Variants in NBL1 observed in about 807,000 individuals in gnomAD.
NBL1 encodes the protein NBL1, DAN family BMP antagonist.
In NBL1, 9 loss-of-function variants were observed where a neutral mutation model predicts 16.0. The ratio of observed to expected loss-of-function variants is 0.56; its 90% CI spans 0.34 to 0.98. The LOEUF (loss-of-function observed/expected upper bound fraction) is 0.98, where lower values mean the gene tolerates loss of function less well. NBL1 is among the 50% of genes least tolerant of loss of function. The pLI is 0.02. For synonymous variants in NBL1, 86 were observed against 100.7 expected (o/e 0.85, Z 0.87); for missense variants, 196 against 243.1 (o/e 0.81, Z 1.29).
chr1:19,644,390 G>A lies in NBL1; in HGVS notation c.-76G>A. 1.0e-6 allele frequency: 1 copy of A among 978,632 alleles called. No homozygotes were observed. Among genetic ancestry groups the A allele is most frequent in the Non-Finnish European group, 1.2e-6 (1 of 827,150 alleles). The allele number at this position is 978,632 out of a possible 1,614,324, so 60.6% of individuals were successfully genotyped here. On this transcript the variant is annotated 5_prime_UTR_variant, in exon 1 of 4. Transcript: ENST00000375136. This position sits in a 1 kb window ranked among gnomAD's most constrained non-coding sequence, Gnocchi z 4.6. ...GCCGGCCGCCTCGCCGAGCCTCCTG[G>A]GGCGCCCGGGCCCGCGACCCCCGCA...
At chr1:19,648,316 C>T (rs1006919959) in intron 1 of NBL1, among the ~76,000 whole-genome samples, 2 of 152,132 alleles carry the variant, frequency 1.3e-5, no homozygotes, top group Non-Finnish European at 2.9e-5. Flanking sequence ...CGTTGTTAAT[C>T]GAAGCCCCTT....
chr1:19,657,289 G>A lies in NBL1; in HGVS notation c.*160G>A. 1 of 537,126 alleles carries A rather than the reference G, an allele frequency of 1.9e-6. No homozygotes were observed. The highest frequency in any genetic ancestry group is 3.3e-6 in the Non-Finnish European group (1 of 300,172). 33.3% of individuals were successfully genotyped at this position (537,126 alleles called of 1,614,324 possible). On this transcript the variant is annotated 3_prime_UTR_variant, in exon 4 of 4. Coordinates refer to ENST00000375136, the MANE Select transcript of NBL1 (RefSeq NM_005380.8). Reference sequence around the variant, plus strand: ...GCCCGGTTGCCATGGAGATCTGAAGGGGCGGGGTTAGAGCCAAGCTGCACA... The same window carrying A: ...GCCCGGTTGCCATGGAGATCTGAAGAGGCGGGGTTAGAGCCAAGCTGCACA...
chr1:19,657,921 T>G lies in NBL1; in HGVS notation c.*792T>G, dbSNP rs1430573857. On this transcript the variant is annotated 3_prime_UTR_variant, in exon 4 of 4. Transcript: ENST00000375136. Reference sequence around the variant, plus strand: ...CCCCCTCCTCTCCCTGTTAGAAATGTTAGTGCCCCGCACTGTGCCCCAAGT... The same window carrying G: ...CCCCCTCCTCTCCCTGTTAGAAATGGTAGTGCCCCGCACTGTGCCCCAAGT... 1 of 152,702 alleles carries G rather than the reference T, an allele frequency of 6.5e-6. No homozygotes were observed. Among genetic ancestry groups the G allele is most frequent in the East Asian group, 1.9e-4 (1 of 5,196 alleles). 9.5% of individuals were successfully genotyped at this position (152,702 alleles called of 1,614,324 possible).
chr1:19,655,637 C>T (rs763087318), intron 3 of NBL1, among the ~76,000 whole-genome samples: 2 of 152,206 alleles, frequency 1.3e-5, no homozygotes, highest in Non-Finnish European at 2.9e-5. Flanking sequence ...CCAACTTGTA[C>T]AGGACAGGGA....
chr1:19,652,804 C>T (rs1570562485), intron 1 of NBL1, among the ~76,000 whole-genome samples: 1 of 151,216 alleles, frequency 6.6e-6, no homozygotes, highest in East Asian at 2.0e-4. Context: ...CCTGGCCAAC[C>T]TGGTGAAACC....
chr1:19,654,147 C>T (rs896822212), intron 1 of NBL1, among the ~76,000 whole-genome samples: 3 of 152,166 alleles, frequency 2.0e-5, no homozygotes, highest in African/African-American at 7.2e-5. Context: ...CGGTGGCTCA[C>T]GCCTGTAATC....
intron 1 of NBL1, among the ~76,000 whole-genome samples, chr1:19,652,235 A>G (rs1311174236): frequency 6.6e-6 from 1 of 152,082 alleles, no homozygotes; most frequent in African/African-American, 2.4e-5. Flanking sequence ...CTGGCCTTAA[A>G]TGGACCTCCA....
chr1:19,646,884 T>C (rs2094983801), intron 1 of NBL1, among the ~76,000 whole-genome samples: 1 of 152,252 alleles, frequency 6.6e-6, no homozygotes, highest in South Asian at 2.1e-4. Context: ...CTCAAGGTTT[T>C]CCCTAAATCC....
Position 19,657,673 on chromosome 1 carries a change from A to G in NBL1, c.*544A>G, listed in dbSNP as rs1442319128. The G allele has an allele frequency of 6.5e-6, 1 of 152,742 alleles. No homozygotes were observed. The highest frequency in any genetic ancestry group is 1.5e-5 in the Non-Finnish European group (1 of 68,200). 9.5% of individuals were successfully genotyped at this position (152,742 alleles called of 1,614,324 possible). On this transcript the variant is annotated 3_prime_UTR_variant, in exon 4 of 4. Coordinates refer to ENST00000375136, the MANE Select transcript of NBL1 (RefSeq NM_005380.8). ...TCCAGGGAAGCGTCGCCCCAGTGGCACTGAAGTGGCCCTCCCTCAGCGGAG... is the reference window on the plus strand; with the variant it reads ...TCCAGGGAAGCGTCGCCCCAGTGGCGCTGAAGTGGCCCTCCCTCAGCGGAG...
chr1:19,653,866 G>GCCA (rs1470832449), intron 1 of NBL1, among the ~76,000 whole-genome samples: 2 of 152,220 alleles, frequency 1.3e-5, no homozygotes, highest in African/African-American at 4.8e-5. Flanking sequence ...GCCCTGCAGC[G>GCCA]CCACCTTTTG....
Position 19,657,058 on chromosome 1 carries a change from G to T in NBL1, c.475G>T (p.Gly159Cys). 6.5e-7 allele frequency: 1 copy of T among 1,528,958 alleles called. No individual in the cohort carries two copies. Among genetic ancestry groups the T allele is most frequent in the Non-Finnish European group, 8.8e-7 (1 of 1,137,400 alleles). 94.7% of individuals were successfully genotyped at this position (1,528,958 alleles called of 1,614,324 possible). Residue 159 changes from glycine to cysteine, a missense_variant, in exon 4 of 4, where the codon GGC becomes TGC. Coordinates refer to ENST00000375136, the MANE Select transcript of NBL1 (RefSeq NM_005380.8). ...HPHPHPHPHPGGQTPEPEDPP... is the reference protein window; with the variant it reads ...HPHPHPHPHPCGQTPEPEDPP... Reference sequence around the variant, plus strand: ...TCACCCCCATCCCCACCCCCATCCTGGCGGGCAGACCCCTGAGCCCGAGGA... The same window carrying T: ...TCACCCCCATCCCCACCCCCATCCTTGCGGGCAGACCCCTGAGCCCGAGGA...
At chr1:19,647,547 G>A in intron 1 of NBL1, 1 of 941,376 alleles carries the variant, frequency 1.1e-6, no homozygotes, top group Non-Finnish European at 1.3e-6. Context: ...AGTGAGTGTG[G>A]GGGGAGAGGA....
chr1:19,646,746 G>A (rs966729679), intron 1 of NBL1, among the ~76,000 whole-genome samples: 5 of 152,184 alleles, frequency 3.3e-5, no homozygotes, highest in East Asian at 1.9e-4. Flanking sequence ...GTGTCTCCAC[G>A]ACCCTGTCTT....
At position 19,656,863 on chromosome 1, in the gene NBL1, C is replaced by A; in HGVS notation, c.283-3C>A. On this transcript the variant is annotated splice_region_variant and splice_polypyrimidine_tract_variant and intron_variant, in intron 3 of 3. Coordinates refer to ENST00000375136, the MANE Select transcript of NBL1 (RefSeq NM_005380.8). ...GCCTCTGCTTCTCTCTTGCCCTCTGCAGGTGACGCTGGAGTGCCCGGGCCA... is the reference window on the plus strand; with the variant it reads ...GCCTCTGCTTCTCTCTTGCCCTCTGAAGGTGACGCTGGAGTGCCCGGGCCA... The A allele has an allele frequency of 6.2e-7, 1 of 1,606,998 alleles. No homozygotes were observed. The highest frequency in any genetic ancestry group is 8.5e-7 in the Non-Finnish European group (1 of 1,174,872).
intron 1 of NBL1, among the ~76,000 whole-genome samples, chr1:19,650,076 G>A (rs912904569): frequency 5.9e-5 from 9 of 152,162 alleles, no homozygotes; most frequent in South Asian, 2.1e-4. Flanking sequence ...CCGGGTTCAC[G>A]CCATTCTCCT....
At chr1:19,654,271 G>A (rs956030927) in intron 1 of NBL1, among the ~76,000 whole-genome samples, 4 of 152,090 alleles carry the variant, frequency 2.6e-5, no homozygotes, top group Non-Finnish European at 2.9e-5. Context: ...GTGTGGTGGC[G>A]GACGCCTGTA....
intron 1 of NBL1, chr1:19,647,614 C>T (rs931380144): frequency 1.7e-5 from 17 of 985,302 alleles, no homozygotes; most frequent in Admixed American, 6.2e-5. Flanking sequence ...CAGCCACAAA[C>T]GCTGCGTGCT....
At chr1:19,653,975 C>G (rs1005866588) in intron 1 of NBL1, among the ~76,000 whole-genome samples, 1 of 152,212 alleles carries the variant, frequency 6.6e-6, no homozygotes, top group Non-Finnish European at 1.5e-5. Context: ...GCTTGACTCA[C>G]GTGTTAGAAT....
chr1:19,655,344 T>C lies in NBL1; in HGVS notation c.191T>C (p.Phe64Ser). 2 of 1,614,082 alleles carry C rather than the reference T, an allele frequency of 1.2e-6. No homozygotes were observed. Residue 64 changes from phenylalanine (F) to serine (S), a missense_variant, in exon 3 of 4, where the codon TTC (phenylalanine) becomes TCC (serine). Physicochemically the swap from Phe to Ser is radical, Grantham distance 155. Coordinates refer to ENST00000375136, the MANE Select transcript of NBL1 (RefSeq NM_005380.8). ...IQNRACLGQC[F>S]SYSVPNTFPQ... The stretch of plus-strand genomic sequence containing the variant: ...CACAGGGCGTGCCTAGGACAGTGCT[T>C]CAGCTACAGCGTCCCCAACACCTTC...
Sources: allele counts gnomAD v4.1 joint callset (sites outside exome capture counted in the v4.1 genomes callset), GRCh38; gene constraint gnomAD v4.1.1; non-coding constraint Gnocchi (gnomAD v3.1); transcripts MANE v1.5; gene names NCBI Gene and HGNC (gene_info 2026-07-23, HGNC 2026-07-21).